WDR7: variants seen among roughly 807,000 people sequenced by gnomAD.
The protein encoded by WDR7 is WD repeat domain 7.
Under a neutral mutation model 169.4 loss-of-function variants are expected in WDR7, and 46 were observed. The observed-to-expected ratio is 0.27, with a 90% confidence interval of 0.21 to 0.35. The LOEUF (loss-of-function observed/expected upper bound fraction) is 0.35. WDR7 is among the 10% of genes least tolerant of loss of function. WDR7 has a pLI of 1.00. For synonymous variants in WDR7, 612 were observed against 666.8 expected (o/e 0.92, Z 1.27); for missense variants, 1,534 against 1,859.3 (o/e 0.83, Z 3.22).
chr18:56,836,498 A>G (rs1452591415), intron 20 of WDR7, among the ~76,000 whole-genome samples: 1 of 152,180 alleles, frequency 6.6e-6, no homozygotes, highest in African/African-American at 2.4e-5. Flanking sequence ...GCGTTTAACT[A>G]CTTTTTGAAT....
At chr18:56,708,494 G>A (rs2026011298) in intron 12 of WDR7, among the ~76,000 whole-genome samples, 2 of 152,196 alleles carry the variant, frequency 1.3e-5, no homozygotes, top group South Asian at 4.1e-4. Context: ...GCTTTTGGGA[G>A]TTGTAATACC....
At chr18:57,021,544 C>G (rs752630478) in intron 27 of WDR7, among the ~76,000 whole-genome samples, 1 of 152,168 alleles carries the variant, frequency 6.6e-6, no homozygotes, top group Admixed American at 6.5e-5. Context: ...TAAGATCTCA[C>G]GTAGTCTTTG....
intron 12 of WDR7, among the ~76,000 whole-genome samples, chr18:56,707,795 C>G (rs764799974): frequency 3.3e-5 from 5 of 152,124 alleles, no homozygotes; most frequent in Non-Finnish European, 7.3e-5. Flanking sequence ...TTAGGTTTCT[C>G]TGCGTTTTTT....
At chr18:56,723,754 A>G (rs538453950) in intron 13 of WDR7, among the ~76,000 whole-genome samples, 1 of 152,152 alleles carries the variant, frequency 6.6e-6, no homozygotes, top group South Asian at 2.1e-4. Context: ...ACTTTTGGCC[A>G]TAATTTATTC....
intron 26 of WDR7, among the ~76,000 whole-genome samples, chr18:57,001,045 AAAAGAGAGAGAG>A (rs2047969158): frequency 9.1e-6 from 1 of 109,350 alleles, no homozygotes; most frequent in South Asian, 3.4e-4. Flanking sequence ...CCATCTCTAC[AAAAGAGAGAGAG>A]AGAGAGAGAG....
At chr18:56,903,671 C>T (rs966348727) in intron 21 of WDR7, among the ~76,000 whole-genome samples, 10 of 152,028 alleles carry the variant, frequency 6.6e-5, no homozygotes, top group African/African-American at 1.9e-4. Context: ...GCGCACTCCT[C>T]GGCCTCCCAA....
chr18:56,808,562 T>C (rs2044815194), intron 19 of WDR7, among the ~76,000 whole-genome samples: 1 of 152,214 alleles, frequency 6.6e-6, no homozygotes, highest in African/African-American at 2.4e-5. Context: ...AGTGGTTTTA[T>C]ATTTCCATAT....
chr18:56,878,993 G>A (rs976618295), intron 20 of WDR7, among the ~76,000 whole-genome samples: 7 of 152,180 alleles, frequency 4.6e-5, no homozygotes, highest in Non-Finnish European at 8.8e-5. Flanking sequence ...CAAATACTGC[G>A]ATTACTTTTG....
At chr18:56,902,546 C>T (rs976982810) in intron 21 of WDR7, among the ~76,000 whole-genome samples, 2 of 152,120 alleles carry the variant, frequency 1.3e-5, no homozygotes, top group African/African-American at 4.8e-5. Flanking sequence ...TGTCTGAATG[C>T]CTGTGTTGCA....
At chr18:56,658,345 C>A (rs2024824868) in intron 1 of WDR7, among the ~76,000 whole-genome samples, 1 of 152,148 alleles carries the variant, frequency 6.6e-6, no homozygotes, top group African/African-American at 2.4e-5. Context: ...CTCAAGTGAT[C>A]TGCCTGCCTC....
At chr18:56,811,683 A>C (rs748729387) in intron 19 of WDR7, among the ~76,000 whole-genome samples, 60 of 151,676 alleles carry the variant, frequency 4.0e-4, no homozygotes, top group Non-Finnish European at 1.3e-4. Flanking sequence ...ATCAAGGTTC[A>C]TTTTTTTTGC....
chr18:56,801,812 A>G (rs1490913218), intron 19 of WDR7, among the ~76,000 whole-genome samples: 2 of 152,184 alleles, frequency 1.3e-5, no homozygotes, highest in Non-Finnish European at 2.9e-5. Flanking sequence ...ATAGTGTTTT[A>G]TTATGTGGCT....
intron 13 of WDR7, among the ~76,000 whole-genome samples, chr18:56,726,129 A>G (rs1293971663): frequency 2.6e-5 from 4 of 152,176 alleles, no homozygotes; most frequent in African/African-American, 9.7e-5. Context: ...TGACTTGGCA[A>G]TGCAGGCTCT....
At chr18:56,665,652 C>A (rs886144840) in intron 1 of WDR7, among the ~76,000 whole-genome samples, 3 of 152,148 alleles carry the variant, frequency 2.0e-5, no homozygotes, top group African/African-American at 7.2e-5. Context: ...CATTGAAGTT[C>A]TTTCCAGGTA....
intron 14 of WDR7, among the ~76,000 whole-genome samples, chr18:56,755,111 T>C (rs2043864247): frequency 6.6e-6 from 1 of 152,118 alleles, no homozygotes. Context: ...TTTTTTTCTT[T>C]TGGCAATAGT....
At chr18:56,856,170 T>A (rs922631190) in intron 20 of WDR7, among the ~76,000 whole-genome samples, 1 of 152,214 alleles carries the variant, frequency 6.6e-6, no homozygotes, top group Non-Finnish European at 1.5e-5. Flanking sequence ...GTGAGAGCTC[T>A]GCCTCACAGC....
Position 56,868,759 on chromosome 18 carries a change from C to T in WDR7, c.3305-11185C>T, listed in dbSNP as rs977368418. 7.9e-5 allele frequency among the ~76,000 whole-genome samples: 12 copies of T among 152,224 alleles called. No individual in the cohort carries two copies. The East Asian group carries it at 2.1e-3, about 27-fold the overall frequency. On this transcript the variant is annotated intron_variant, in intron 20 of 27. Coordinates refer to ENST00000254442, the MANE Select transcript of WDR7 (RefSeq NM_015285.3). Reference sequence around the variant, plus strand: ...TTCTCATGGAAATGCGAATAATGGTCTCAGTGTTACAATTTGTAGTTTCTT... The same window carrying T: ...TTCTCATGGAAATGCGAATAATGGTTTCAGTGTTACAATTTGTAGTTTCTT...
intron 21 of WDR7, among the ~76,000 whole-genome samples, chr18:56,881,211 T>C (rs1480393364): frequency 6.6e-6 from 1 of 152,178 alleles, no homozygotes; most frequent in Non-Finnish European, 1.5e-5. Flanking sequence ...AAGACTTCAT[T>C]CAACAAATAC....
chr18:56,922,276 G>A (rs1429125734), intron 21 of WDR7, among the ~76,000 whole-genome samples: 1 of 152,110 alleles, frequency 6.6e-6, no homozygotes, highest in Non-Finnish European at 1.5e-5. Context: ...GTGCACTGTG[G>A]TTGGTGGTTT....
Sources: gnomAD v4.1 joint callset for allele counts (sites outside exome capture counted in the v4.1 genomes callset) on GRCh38, gnomAD v4.1.1 for gene constraint, MANE v1.5 for transcripts, NCBI Gene and HGNC (gene_info 2026-07-23, HGNC 2026-07-21) for gene names.